The following HS6ST3 variants were observed in gnomAD, a reference collection of about 807,000 sequenced individuals.
HS6ST3 encodes heparan-sulfate 6-O-sulfotransferase 3.
In HS6ST3, 12 loss-of-function variants were observed where a neutral mutation model predicts 36.7. That is an observed-to-expected ratio of 0.33 (90% CI 0.21 to 0.53). The LOEUF (loss-of-function observed/expected upper bound fraction) is 0.53. Ranked by LOEUF, HS6ST3 falls within the 20% of genes least tolerant of loss-of-function variation. HS6ST3 has a pLI of 0.95. For synonymous variants in HS6ST3, 240 were observed against 257.5 expected (o/e 0.93, Z 0.65); for missense variants, 584 against 640.9 (o/e 0.91, Z 0.96).
intron 1 of HS6ST3, among the ~76,000 whole-genome samples, chr13:96,232,435 T>C (rs536746995): frequency 7.9e-5 from 12 of 152,148 alleles, no homozygotes; most frequent in African/African-American, 2.9e-4. Context: ...TAACCAGAAA[T>C]GGCAGACAAA....
At chr13:96,740,004 A>G (rs192942579) in intron 1 of HS6ST3, among the ~76,000 whole-genome samples, 29 of 152,282 alleles carry the variant, frequency 1.9e-4, no homozygotes, top group Admixed American at 1.6e-3. Flanking sequence ...CACTGTGTCC[A>G]TGAGACACTT....
chr13:96,359,689 G>A (rs574191623), intron 1 of HS6ST3, among the ~76,000 whole-genome samples: 1 of 152,244 alleles, frequency 6.6e-6, no homozygotes, highest in African/African-American at 2.4e-5. Flanking sequence ...GTAGGGCCTT[G>A]GGGAAGGGAA....
chr13:96,192,454 C>T (rs1038991519), intron 1 of HS6ST3, among the ~76,000 whole-genome samples: 2 of 152,112 alleles, frequency 1.3e-5, no homozygotes, highest in Admixed American at 6.6e-5. Context: ...CCACCCTCCC[C>T]GCTTTTGGGG....
intron 1 of HS6ST3, among the ~76,000 whole-genome samples, chr13:96,370,709 C>G (rs1031436674): frequency 1.7e-4 from 26 of 152,212 alleles, no homozygotes; most frequent in African/African-American, 6.3e-4. Flanking sequence ...ATCAGGAGTT[C>G]GAGACCAGCC....
chr13:96,806,547 A>G (rs1235799773), intron 1 of HS6ST3, among the ~76,000 whole-genome samples: 1 of 152,232 alleles, frequency 6.6e-6, no homozygotes, highest in African/African-American at 2.4e-5. Flanking sequence ...ATTAGAAGGA[A>G]TAATATTAGG....
intron 1 of HS6ST3, among the ~76,000 whole-genome samples, chr13:96,332,314 G>C (rs1858353424): frequency 6.6e-6 from 1 of 152,144 alleles, no homozygotes; most frequent in African/African-American, 2.4e-5. Context: ...TAGATTTGGA[G>C]GTATATGGCT....
chr13:96,822,216 G>A (rs1878549794), intron 1 of HS6ST3, among the ~76,000 whole-genome samples: 1 of 152,174 alleles, frequency 6.6e-6, no homozygotes, highest in Non-Finnish European at 1.5e-5. Context: ...GCGGCTCCAG[G>A]CTTCAGGTGG....
chr13:96,737,605 C>G (rs112653606), intron 1 of HS6ST3, among the ~76,000 whole-genome samples: 10,218 of 131,040 alleles, frequency 0.078, 671 homozygotes, highest in African/African-American at 0.18. Flanking sequence ...GCAGTCCGGC[C>G]TGGGCGACAG....
chr13:96,779,783 A>AC (rs1877479995), intron 1 of HS6ST3, among the ~76,000 whole-genome samples: 1 of 151,730 alleles, frequency 6.6e-6, no homozygotes, highest in African/African-American at 2.4e-5. Context: ...AAAAAAAAAA[A>AC]AAACATTGTT....
At chr13:96,125,769 T>C (rs2053947610) in intron 1 of HS6ST3, among the ~76,000 whole-genome samples, 2 of 151,648 alleles carry the variant, frequency 1.3e-5, no homozygotes, top group Admixed American at 1.3e-4. Flanking sequence ...CTTCCATTTT[T>C]TTATTTTTTA....
intron 1 of HS6ST3, among the ~76,000 whole-genome samples, chr13:96,158,769 A>G (rs1324406548): frequency 6.6e-6 from 1 of 151,688 alleles, no homozygotes; most frequent in Non-Finnish European, 1.5e-5. Flanking sequence ...GTGTTGGGCC[A>G]GGGAGGAGAC....
chr13:96,242,674 C>A (rs755779858), intron 1 of HS6ST3, among the ~76,000 whole-genome samples: 1 of 151,964 alleles, frequency 6.6e-6, no homozygotes, highest in Non-Finnish European at 1.5e-5. Flanking sequence ...ATGAAGATAA[C>A]GAGTGTTGGT....
intron 1 of HS6ST3, among the ~76,000 whole-genome samples, chr13:96,687,678 G>T (rs1383386837): frequency 6.6e-6 from 1 of 151,948 alleles, no homozygotes; most frequent in Non-Finnish European, 1.5e-5. Flanking sequence ...CATTATTGCG[G>T]ATAAGGGCAG....
chr13:96,669,426 C>T (rs761776089), intron 1 of HS6ST3, among the ~76,000 whole-genome samples: 1 of 152,050 alleles, frequency 6.6e-6, no homozygotes, highest in Non-Finnish European at 1.5e-5. Context: ...CCCAAGTGTT[C>T]GAAGCACTTG....
intron 1 of HS6ST3, among the ~76,000 whole-genome samples, chr13:96,336,362 A>C (rs1317935119): frequency 6.6e-6 from 1 of 152,158 alleles, no homozygotes; most frequent in African/African-American, 2.4e-5. Context: ...ATTGGTTGTC[A>C]TGGGCTGAAT....
chr13:96,331,016 C>G (rs2139420570), intron 1 of HS6ST3, among the ~76,000 whole-genome samples: 1 of 152,204 alleles, frequency 6.6e-6, no homozygotes, highest in East Asian at 1.9e-4. Context: ...GTTCTTGAGC[C>G]TTGGTTTTCA....
At chr13:96,284,880 T>C (rs2054793094) in intron 1 of HS6ST3, among the ~76,000 whole-genome samples, 1 of 151,960 alleles carries the variant, frequency 6.6e-6, no homozygotes. Context: ...TATATTAATA[T>C]CTTAGGGCTT....
At chr13:96,346,306 G>A (rs2055153993) in intron 1 of HS6ST3, among the ~76,000 whole-genome samples, 1 of 152,162 alleles carries the variant, frequency 6.6e-6, no homozygotes, top group African/African-American at 2.4e-5. Context: ...TGGGTGCGGT[G>A]GCTCATGCCT....
At chr13:96,303,522 G>C (rs942051536) in intron 1 of HS6ST3, among the ~76,000 whole-genome samples, 6 of 152,110 alleles carry the variant, frequency 3.9e-5, no homozygotes, top group African/African-American at 1.2e-4. Context: ...GGCATTCTGT[G>C]GGGGGCTGTG....
Sources: gnomAD v4.1 joint callset for allele counts (sites outside exome capture counted in the v4.1 genomes callset) on GRCh38, gnomAD v4.1.1 for gene constraint, MANE v1.5 for transcripts, NCBI Gene and HGNC (gene_info 2026-07-23, HGNC 2026-07-21) for gene names.